Variants in GRID2 observed in about 807,000 individuals in gnomAD.
GRID2 encodes the protein glutamate ionotropic receptor delta type subunit 2, also known as glutamate receptor ionotropic, delta-2.
GRID2 carries 33 observed loss-of-function variants against 114.8 expected under a neutral mutation model. The observed-to-expected ratio is 0.29, with a 90% confidence interval of 0.22 to 0.38. GRID2 has a LOEUF of 0.38. Ranked by LOEUF, GRID2 falls within the 10% of genes least tolerant of loss-of-function variation. The probability of loss-of-function intolerance (pLI) is 1.00; values close to 1 mark genes in which losing one functional copy is unlikely to be tolerated. For missense variants in GRID2, 1,184 were observed against 1,257.7 expected (o/e 0.94, Z 0.89); for synonymous variants, 505 against 449.9 (o/e 1.12, Z -1.55).
intron 2 of GRID2, among the ~76,000 whole-genome samples, chr4:92,911,782 T>C (rs1319525363): frequency 6.6e-6 from 1 of 151,892 alleles, no homozygotes; most frequent in Non-Finnish European, 1.5e-5. Flanking sequence ...AATGCCTTTT[T>C]TTTTTTTACA....
At chr4:92,751,203 G>T (rs1737440285) in intron 2 of GRID2, among the ~76,000 whole-genome samples, 1 of 152,018 alleles carries the variant, frequency 6.6e-6, no homozygotes, top group Non-Finnish European at 1.5e-5. Flanking sequence ...TTTAAAATAA[G>T]TTAGGTGGTA....
At chr4:92,560,371 A>G (rs1031243372) in intron 1 of GRID2, among the ~76,000 whole-genome samples, 1 of 152,162 alleles carries the variant, frequency 6.6e-6, no homozygotes, top group African/African-American at 2.4e-5. Context: ...ATGAGTAACA[A>G]TTCTGTTCCT....
intron 2 of GRID2, among the ~76,000 whole-genome samples, chr4:92,625,138 A>T (rs1263954274): frequency 2.0e-5 from 3 of 151,788 alleles, no homozygotes; most frequent in Non-Finnish European, 4.4e-5. Context: ...TTATATACTG[A>T]AAGTTATCTT....
At chr4:93,511,878 G>A (rs377727083) in intron 12 of GRID2, among the ~76,000 whole-genome samples, 201 of 151,138 alleles carry the variant, frequency 1.3e-3, no homozygotes, top group African/African-American at 4.5e-3. Flanking sequence ...TCCATCTCTC[G>A]GGTTCAAGCA....
chr4:92,821,451 G>A lies in GRID2; in HGVS notation c.244+231165G>A, dbSNP rs1741273972. ...TGTAAGAATTTGTTACAGTATTTTT[G>A]TAGCTGTTTGTTTTTTTTAAGTTTC... On this transcript the variant is annotated intron_variant, in intron 2 of 15. Transcript: ENST00000282020. Among the ~76,000 whole-genome samples the A allele has an allele frequency of 5.9e-5, 9 of 152,030 alleles. No homozygotes were observed. In the South Asian group the frequency reaches 1.9e-3, roughly 32 times the overall value.
At chr4:92,512,491 T>C (rs917963473) in intron 1 of GRID2, among the ~76,000 whole-genome samples, 1 of 151,908 alleles carries the variant, frequency 6.6e-6, no homozygotes, top group African/African-American at 2.4e-5. Flanking sequence ...ATGAATTATT[T>C]GTCACTATGT....
chr4:93,769,186 C>G lies in GRID2; in HGVS notation c.2361-24C>G, dbSNP rs749304506. 5.0e-6 allele frequency: 8 copies of G among 1,611,518 alleles called. No individual in the cohort carries two copies. In the East Asian group the frequency reaches 1.6e-4, roughly 31 times the overall value. Reference sequence around the variant, plus strand: ...GGCGATAACTATGTCTGTAATAACACATGCTTATGTTCTTTATCCCAAGGA... The same window carrying G: ...GGCGATAACTATGTCTGTAATAACAGATGCTTATGTTCTTTATCCCAAGGA... On this transcript the variant is annotated intron_variant, in intron 14 of 15. Transcript: ENST00000282020.
chr4:92,989,895 T>G (rs973843156), intron 2 of GRID2, among the ~76,000 whole-genome samples: 1 of 152,114 alleles, frequency 6.6e-6, no homozygotes, highest in Non-Finnish European at 1.5e-5. Flanking sequence ...ACAGAAATAT[T>G]GTAAGATTCT....
intron 2 of GRID2, among the ~76,000 whole-genome samples, chr4:92,658,654 G>A (rs905399766): frequency 4.6e-5 from 7 of 151,508 alleles, no homozygotes; most frequent in Non-Finnish European, 1.0e-4. Context: ...TGGAAAGGAA[G>A]CAAAAGGAAC....
chr4:92,652,091 T>C (rs748353758), intron 2 of GRID2, among the ~76,000 whole-genome samples: 6 of 152,028 alleles, frequency 3.9e-5, no homozygotes, highest in Non-Finnish European at 8.8e-5. Flanking sequence ...GAAGATGCAG[T>C]GCATGCACAA....
intron 2 of GRID2, among the ~76,000 whole-genome samples, chr4:92,969,807 C>T (rs1753382047): frequency 6.6e-6 from 1 of 151,754 alleles, no homozygotes; most frequent in Admixed American, 6.6e-5. Flanking sequence ...ACCCTTGTTT[C>T]CCTTTGAAAG....
intron 1 of GRID2, among the ~76,000 whole-genome samples, chr4:92,379,884 A>G (rs999346562): frequency 9.2e-5 from 14 of 152,106 alleles, no homozygotes; most frequent in African/African-American, 2.4e-5. Flanking sequence ...TAGGTATTAA[A>G]TTGTTTTTTA....
intron 4 of GRID2, among the ~76,000 whole-genome samples, chr4:93,137,154 A>G (rs1483107983): frequency 6.6e-6 from 1 of 152,208 alleles, no homozygotes; most frequent in Non-Finnish European, 1.5e-5. Context: ...GATATTCGCC[A>G]AGTCATGCTT....
intron 2 of GRID2, among the ~76,000 whole-genome samples, chr4:92,629,778 CT>C (rs199622998): frequency 0.073 from 10,184 of 139,936 alleles, 392 homozygotes; most frequent in East Asian, 0.17. Flanking sequence ...TATGTTTTTT[CT>C]TTTTTTTTTT....
intron 1 of GRID2, among the ~76,000 whole-genome samples, chr4:92,462,266 C>T (rs1176273533): frequency 1.3e-5 from 2 of 152,024 alleles, no homozygotes; most frequent in Non-Finnish European, 2.9e-5. Context: ...GCCTACGCAT[C>T]ACAGTCTCCC....
chr4:92,353,493 T>C (rs77953629), intron 1 of GRID2, among the ~76,000 whole-genome samples: 3,734 of 151,700 alleles, frequency 0.025, 120 homozygotes, highest in African/African-American at 0.076. Context: ...TTTGTTGTTA[T>C]TTTTGTTTTT....
At chr4:92,528,720 C>T (rs1227627740) in intron 1 of GRID2, among the ~76,000 whole-genome samples, 1 of 151,162 alleles carries the variant, frequency 6.6e-6, no homozygotes, top group Non-Finnish European at 1.5e-5. Flanking sequence ...TAACTCAGCT[C>T]TCAGACTGTA....
At chr4:93,807,313 T>G (rs1007599187) in exon 2 of GRID2, 1 of 152,212 alleles carries the variant, frequency 6.6e-6, no homozygotes, top group African/African-American at 2.4e-5. Flanking sequence ...CCAAGGAGAA[T>G]GGCAGAACTT....
intron 2 of GRID2, among the ~76,000 whole-genome samples, chr4:92,797,533 A>G (rs1410794158): frequency 6.6e-6 from 1 of 151,998 alleles, no homozygotes; most frequent in African/African-American, 2.4e-5. Context: ...TATATTTTTA[A>G]GTTAACGTAA....
Sources: gnomAD v4.1 joint callset for allele counts (sites outside exome capture counted in the v4.1 genomes callset) on GRCh38, gnomAD v4.1.1 for gene constraint, MANE v1.5 for transcripts, NCBI Gene and HGNC (gene_info 2026-07-23, HGNC 2026-07-21) for gene names.